Variants in GXYLT1 observed in about 807,000 individuals in gnomAD.
GXYLT1 encodes glucoside xylosyltransferase 1, also known as glycosyltransferase 8 domain containing 3.
A neutral mutation model predicts 54.0 loss-of-function variants in GXYLT1; 29 were observed. The observed-to-expected ratio is 0.54, with a 90% CI of 0.40 to 0.73. GXYLT1 has a LOEUF of 0.73. Ranked by LOEUF, GXYLT1 falls within the 30% of genes least tolerant of loss-of-function variation. The probability of loss-of-function intolerance (pLI) is 0.00; values close to 1 mark genes in which losing one functional copy is unlikely to be tolerated. For missense variants in GXYLT1, 490 were observed against 553.4 expected, an observed-to-expected ratio of 0.89 and a Z score of 1.15; for synonymous variants, 176 against 204.1, an observed-to-expected ratio of 0.86 and a Z score of 1.17.
At chr12:42,139,446 G>A (rs767112010) in intron 1 of GXYLT1, among the ~76,000 whole-genome samples, 4 of 152,086 alleles carry the variant, frequency 2.6e-5, no homozygotes, top group Admixed American at 1.3e-4. Context: ...GGTCATGAGA[G>A]CAGAGCCCCC....
intron 1 of GXYLT1, among the ~76,000 whole-genome samples, chr12:42,137,079 T>C (rs1408100135): frequency 1.3e-5 from 2 of 152,178 alleles, no homozygotes; most frequent in Non-Finnish European, 2.9e-5. Flanking sequence ...TACTTTTAAG[T>C]TAAACTAGAA....
chr12:42,098,329 CCT>C (rs2065369026), intron 5 of GXYLT1, among the ~76,000 whole-genome samples: 1 of 152,028 alleles, frequency 6.6e-6, no homozygotes, highest in African/African-American at 2.4e-5. Flanking sequence ...TACGTCTGGG[CCT>C]ACGTCAGAGT....
chr12:42,108,472 C>G (rs1367125555), intron 4 of GXYLT1, among the ~76,000 whole-genome samples: 1 of 152,090 alleles, frequency 6.6e-6, no homozygotes, highest in Admixed American at 6.5e-5. Flanking sequence ...ACTAGGCACT[C>G]ACATATTAAT....
At chr12:42,137,503 CAAA>C (rs34628599) in intron 1 of GXYLT1, among the ~76,000 whole-genome samples, 4 of 71,658 alleles carry the variant, frequency 5.6e-5, no homozygotes, top group Non-Finnish European at 7.5e-5. Flanking sequence ...GCATCTGTTT[CAAA>C]AAAAAAAAAA....
At chr12:42,111,022 A>G (rs2065450881) in intron 3 of GXYLT1, among the ~76,000 whole-genome samples, 1 of 152,248 alleles carries the variant, frequency 6.6e-6, no homozygotes, top group African/African-American at 2.4e-5. Context: ...CACCTAAGAT[A>G]ATGCAATAAA....
intron 1 of GXYLT1, among the ~76,000 whole-genome samples, chr12:42,144,011 C>T (rs1218505832): frequency 1.3e-5 from 2 of 152,166 alleles, no homozygotes; most frequent in Non-Finnish European, 2.9e-5. Flanking sequence ...CTCACACACA[C>T]ACACACAATC....
intron 3 of GXYLT1, among the ~76,000 whole-genome samples, chr12:42,116,828 T>G (rs976496921): frequency 1.3e-5 from 2 of 152,126 alleles, no homozygotes; most frequent in African/African-American, 4.8e-5. Context: ...CACATGCACA[T>G]GTATGTTTAT....
At chr12:42,095,009 A>AC (rs35409810) in intron 7 of GXYLT1, among the ~76,000 whole-genome samples, 79,652 of 151,718 alleles carry the variant, frequency 0.53, 21,200 homozygotes, top group South Asian at 0.7. Context: ...AAGAAAATTC[A>AC]CCCCCAAAAA....
At chr12:42,109,500 T>C in intron 4 of GXYLT1, 66 bp downstream of exon 4, 7 of 1,092,174 alleles carry the variant, frequency 6.4e-6, no homozygotes, top group Non-Finnish European at 7.3e-6. Context: ...CAGAGACTCA[T>C]GTGTAAAAGT....
chr12:42,089,524 AAC>A (rs2065317203), intron 7 of GXYLT1, among the ~76,000 whole-genome samples: 1 of 152,224 alleles, frequency 6.6e-6, no homozygotes, highest in Non-Finnish European at 1.5e-5. Flanking sequence ...TATATGTATT[AAC>A]ACATTTATAA....
chr12:42,136,759 C>CATACATACATACATAT, intron 1 of GXYLT1, among the ~76,000 whole-genome samples: 1 of 148,422 alleles, frequency 6.7e-6, no homozygotes, highest in Admixed American at 6.7e-5. Context: ...TTTATACATA[C>CATACATACATACATAT]ATACATACAT....
intron 2 of GXYLT1, among the ~76,000 whole-genome samples, chr12:42,122,446 C>G (rs192155064): frequency 8.6e-5 from 13 of 152,000 alleles, no homozygotes; most frequent in Non-Finnish European, 1.5e-5. Context: ...AATAATTAGC[C>G]GGGCATGGTG....
intron 1 of GXYLT1, among the ~76,000 whole-genome samples, chr12:42,136,359 A>G (rs1427920540): frequency 6.6e-6 from 1 of 152,248 alleles, no homozygotes; most frequent in Non-Finnish European, 1.5e-5. Flanking sequence ...AATATTAAAC[A>G]TCCAACATTC....
At chr12:42,095,885 A>G (rs1327122394) in intron 7 of GXYLT1, among the ~76,000 whole-genome samples, 1 of 152,210 alleles carries the variant, frequency 6.6e-6, no homozygotes, top group African/African-American at 2.4e-5. Context: ...TATTGAGTAC[A>G]CACCCTTGTC....
chr12:42,141,446 TTAAG>T (rs761724248), intron 1 of GXYLT1, among the ~76,000 whole-genome samples: 6 of 152,074 alleles, frequency 3.9e-5, no homozygotes, highest in Non-Finnish European at 7.4e-5. Context: ...CTATTACAAA[TTAAG>T]TAAGGTAATC....
chr12:42,124,991 A>C (rs1427278324), intron 2 of GXYLT1, among the ~76,000 whole-genome samples: 3 of 152,108 alleles, frequency 2.0e-5, no homozygotes, highest in African/African-American at 4.8e-5. Flanking sequence ...AAATGATAAC[A>C]CCATATGGTA....
intron 3 of GXYLT1, among the ~76,000 whole-genome samples, chr12:42,115,814 G>A (rs953701727): frequency 6.0e-5 from 9 of 150,462 alleles, no homozygotes; most frequent in South Asian, 2.2e-4. Flanking sequence ...AAGAGCCTGC[G>A]TCGCCAAGTC....
At chr12:42,093,007 T>C (rs983157397) in intron 7 of GXYLT1, among the ~76,000 whole-genome samples, 10 of 152,180 alleles carry the variant, frequency 6.6e-5, no homozygotes, top group African/African-American at 2.4e-4. Context: ...AAAAGACAAA[T>C]GTAAAGACAG....
intron 2 of GXYLT1, among the ~76,000 whole-genome samples, chr12:42,129,358 G>T (rs6582383): frequency 0.52 from 78,556 of 151,862 alleles, 20,701 homozygotes; most frequent in South Asian, 0.69. Flanking sequence ...TACTAATAAC[G>T]AATATAATCC....
Sources: gnomAD v4.1 joint callset for allele counts (sites outside exome capture counted in the v4.1 genomes callset) on GRCh38, gnomAD v4.1.1 for gene constraint, MANE v1.5 for transcripts, NCBI Gene and HGNC (gene_info 2026-07-23, HGNC 2026-07-21) for gene names.